RANBP9: variants seen among roughly 807,000 people sequenced by gnomAD.
RANBP9 encodes RAN binding protein 9.
RANBP9 carries 15 observed loss-of-function variants against 84.3 expected under a neutral mutation model. The observed-to-expected ratio is 0.18, with a 90% CI of 0.12 to 0.27. The LOEUF is 0.27. Ranked by LOEUF, RANBP9 falls within the 10% of genes least tolerant of loss-of-function variation. The pLI is 1.00. For missense variants in RANBP9, 809 were observed against 912.8 expected (o/e 0.89, Z 1.46); for synonymous variants, 392 against 349.6 (o/e 1.12, Z -1.35).
chr6:13,696,132 C>CA (rs1766438588), intron 2 of RANBP9, among the ~76,000 whole-genome samples: 1 of 152,096 alleles, frequency 6.6e-6, no homozygotes, highest in African/African-American at 2.4e-5. Flanking sequence ...CTATCTTGCC[C>CA]AAAGCTCTAC....
chr6:13,644,404 TGA>T (rs1198164038), intron 6 of RANBP9, 139 bp downstream of exon 6: 1 of 782,464 alleles, frequency 1.3e-6, no homozygotes, highest in Non-Finnish European at 1.9e-6. Flanking sequence ...TACTTTTCGT[TGA>T]GAGATTAAAA....
intron 11 of RANBP9, chr6:13,632,838 TAA>T (rs372574264): frequency 5.4e-4 from 66 of 121,560 alleles, no homozygotes; most frequent in Middle Eastern, 4.1e-3. Context: ...AAGCAACATT[TAA>T]AAAAAAAAAA....
At chr6:13,644,875 G>A in intron 5 of RANBP9, 146 bp from the exon 6 acceptor site, 1 of 681,968 alleles carries the variant, frequency 1.5e-6, no homozygotes, top group South Asian at 3.2e-5. Context: ...TAAAACAAAT[G>A]ATCTAAAATA....
chr6:13,645,662 ATGGAAT>A (rs1160172830), intron 5 of RANBP9, among the ~76,000 whole-genome samples: 1 of 152,196 alleles, frequency 6.6e-6, no homozygotes, highest in African/African-American at 2.4e-5. Context: ...AATGGCAGAG[ATGGAAT>A]TGGAACACAA....
Position 13,691,643 on chromosome 6 carries a change from C to CA in RANBP9, c.683+5141dup, listed in dbSNP as rs1766323528. Among the ~76,000 whole-genome samples the CA allele has an allele frequency of 2.0e-5, 3 of 152,004 alleles. No individual in the cohort carries two copies. The South Asian group carries it at 6.2e-4, about 32-fold the overall frequency. On this transcript the variant is annotated intron_variant, in intron 2 of 13. Transcript: ENST00000011619. ...GATAAACACTGTTTAAAAGAAAACT[C>CA]AGTGTTTTTTTTTTGTTTGTTTGTA...
rs747623927 is a variant in RANBP9, at chr6:13,652,690, A to G, written c.905-9T>C. 16 of 1,450,694 alleles carry G rather than the reference A, an allele frequency of 1.1e-5. No homozygotes were observed. Among genetic ancestry groups the G allele is most frequent in the Non-Finnish European group, 1.4e-5 (15 of 1,063,014 alleles). 89.9% of individuals were successfully genotyped at this position (1,450,694 alleles called of 1,614,324 possible). ...GTCAGTGAAAGCAATACCTAAAAAG[A>G]AAAAAAAAAGTGGCATTAGAAGCTG... On this transcript the variant is annotated splice_polypyrimidine_tract_variant and intron_variant, in intron 4 of 13. Transcript: ENST00000011619.
chr6:13,693,275 T>C (rs1358634553), intron 2 of RANBP9, among the ~76,000 whole-genome samples: 5 of 152,152 alleles, frequency 3.3e-5, no homozygotes, highest in African/African-American at 1.2e-4. Flanking sequence ...TGGTACCTTA[T>C]AGGTGAAGAG....
At chr6:13,696,485 C>T (rs561051590) in intron 2 of RANBP9, among the ~76,000 whole-genome samples, 1 of 152,258 alleles carries the variant, frequency 6.6e-6, no homozygotes, top group East Asian at 1.9e-4. Flanking sequence ...GCAGAATTCA[C>T]GAAAAAGCAG....
At chr6:13,664,750 G>A (rs1214466076) in intron 2 of RANBP9, among the ~76,000 whole-genome samples, 1 of 152,064 alleles carries the variant, frequency 6.6e-6, no homozygotes, top group Non-Finnish European at 1.5e-5. Context: ...CACCTATTAT[G>A]CAGCTATAAA....
At chr6:13,640,392 GA>G (rs2127764801) in intron 8 of RANBP9, among the ~76,000 whole-genome samples, 1 of 152,214 alleles carries the variant, frequency 6.6e-6, no homozygotes, top group African/African-American at 2.4e-5. Context: ...ATATGATCCA[GA>G]AAGTTCACTT....
At chr6:13,628,151 GA>G (rs1764674767) in intron 12 of RANBP9, among the ~76,000 whole-genome samples, 1 of 152,160 alleles carries the variant, frequency 6.6e-6, no homozygotes, top group Non-Finnish European at 1.5e-5. Flanking sequence ...ATCATCTAGA[GA>G]AGCAAACTGA....
In RANBP9 at chr6:13,639,891, A is replaced by T. The variant is rs112598685; in HGVS notation, c.1335-138T>A. The T allele has an allele frequency of 1.1e-3, 784 of 707,196 alleles. 13 individuals are homozygous for T. The African/African-American group carries it at 0.012, about 11-fold the overall frequency. 43.8% of individuals were successfully genotyped at this position (707,196 alleles called of 1,614,324 possible). On this transcript the variant is annotated intron_variant, in intron 8 of 13. Transcript: ENST00000011619. The stretch of plus-strand genomic sequence containing the variant: ...CTTTAGTAAGCTAAAAATATTAAAT[A>T]TGGTGTCCTATGCTTTAATGCTTAG...
At chr6:13,635,809 CT>C (rs776246178) in intron 10 of RANBP9, among the ~76,000 whole-genome samples, 252 of 139,774 alleles carry the variant, frequency 1.8e-3, no homozygotes, top group South Asian at 2.7e-3. Context: ...AAATACTAAA[CT>C]TTTTTTTTTT....
At chr6:13,636,768 TATCA>T (rs1345842869) in intron 10 of RANBP9, among the ~76,000 whole-genome samples, 4 of 152,242 alleles carry the variant, frequency 2.6e-5, no homozygotes, top group African/African-American at 7.2e-5. Flanking sequence ...TTACAACTTA[TATCA>T]ATCACACACA....
intron 4 of RANBP9, among the ~76,000 whole-genome samples, chr6:13,653,190 T>G (rs756367295): frequency 4.6e-5 from 7 of 152,188 alleles, no homozygotes; most frequent in African/African-American, 9.6e-5. Context: ...CTTATGAAAG[T>G]AAATTCTTTA....
At chr6:13,657,722 T>A (rs186267120) in intron 3 of RANBP9, among the ~76,000 whole-genome samples, 2 of 152,196 alleles carry the variant, frequency 1.3e-5, no homozygotes, top group African/African-American at 4.8e-5. Flanking sequence ...CAGGGTGTGG[T>A]CTTACCACAC....
intron 1 of RANBP9, among the ~76,000 whole-genome samples, chr6:13,698,227 C>CTT (rs996194884): frequency 6.6e-6 from 1 of 152,116 alleles, no homozygotes; most frequent in African/African-American, 2.4e-5. Context: ...GGCAGAAGTT[C>CTT]TTTTAGCCTG....
At position 13,649,497 on chromosome 6, in the gene RANBP9, A is replaced by C. The variant is rs531560825; in HGVS notation, c.927+3162T>G. 1.0e-3 allele frequency among the ~76,000 whole-genome samples: 158 copies of C among 151,198 alleles called. 1 individual carries two copies. The highest frequency in any genetic ancestry group is 3.6e-3 in the African/African-American group (149 of 41,290). ...AAAAAAAAAAGTCACTAAACTCTTTAACCAACTCCAAATGAAACTTACAGC... is the reference window on the plus strand; with the variant it reads ...AAAAAAAAAAGTCACTAAACTCTTTCACCAACTCCAAATGAAACTTACAGC... On this transcript the variant is annotated intron_variant, in intron 5 of 13. Transcript: ENST00000011619.
intron 1 of RANBP9, among the ~76,000 whole-genome samples, chr6:13,706,546 A>G (rs1758127647): frequency 1.3e-5 from 2 of 151,518 alleles, no homozygotes; most frequent in Admixed American, 6.6e-5. Flanking sequence ...TACAAAAATT[A>G]GCCAGGCGTG....
Sources: allele counts gnomAD v4.1 joint callset (sites outside exome capture counted in the v4.1 genomes callset), GRCh38; gene constraint gnomAD v4.1.1; transcripts MANE v1.5; gene names NCBI Gene and HGNC (gene_info 2026-07-23, HGNC 2026-07-21).